The following OSBPL9 variants were observed in gnomAD, a reference collection of about 807,000 sequenced individuals.
OSBPL9 encodes oxysterol binding protein like 9, also known as oxysterol-binding protein-related protein 9.
In OSBPL9, 40 loss-of-function variants were observed where a neutral mutation model predicts 106.6. The observed-to-expected ratio is 0.38, with a 90% CI of 0.29 to 0.49. The LOEUF (loss-of-function observed/expected upper bound fraction) is 0.49. OSBPL9 is among the 20% of genes least tolerant of loss of function. The pLI is 0.97. For missense variants in OSBPL9, 609 were observed against 887.2 expected, an observed-to-expected ratio of 0.69 and a Z score of 3.98; for synonymous variants, 269 against 295.4, an observed-to-expected ratio of 0.91 and a Z score of 0.92.
At chr1:51,581,863 TA>T (rs1170044930) in intron 1 of OSBPL9, among the ~76,000 whole-genome samples, 1 of 152,186 alleles carries the variant, frequency 6.6e-6, no homozygotes, top group Non-Finnish European at 1.5e-5. Flanking sequence ...AGTTGTCTCC[TA>T]TGTCCCTTTG....
upstream of OSBPL9, chr1:51,614,158 C>G (rs1444283381): frequency 6.6e-6 from 1 of 152,108 alleles, no homozygotes; most frequent in Non-Finnish European, 1.5e-5. Flanking sequence ...AGAAAAGAGG[C>G]GATCCCAAGG....
At chr1:51,740,350 G>A in intron 4 of OSBPL9, 1 of 1,124,246 alleles carries the variant, frequency 8.9e-7, no homozygotes, top group Non-Finnish European at 1.2e-6. Context: ...TTACATTCCT[G>A]CTAAGTTTTC....
the OSBPL9 span, among the ~76,000 whole-genome samples, chr1:51,523,286 T>A: frequency 1.3e-5 from 2 of 152,040 alleles, no homozygotes; most frequent in African/African-American, 4.8e-5. Context: ...TTATTTATTT[T>A]ATTTGAGACA....
chr1:51,664,346 A>G (rs1486572303), intron 2 of OSBPL9, among the ~76,000 whole-genome samples: 1 of 152,170 alleles, frequency 6.6e-6, no homozygotes, highest in East Asian at 1.9e-4. Context: ...ATGGTGCATG[A>G]AAGAAGCCAG....
chr1:51,523,142 G>T, the OSBPL9 span, among the ~76,000 whole-genome samples: 1 of 151,966 alleles, frequency 6.6e-6, no homozygotes, highest in Admixed American at 6.6e-5. Flanking sequence ...AAGAATAAGG[G>T]TGCTTTGAAC....
chr1:51,642,149 C>T (rs1645841208), intron 1 of OSBPL9, among the ~76,000 whole-genome samples: 1 of 152,038 alleles, frequency 6.6e-6, no homozygotes, highest in Non-Finnish European at 1.5e-5. Context: ...AGAATAGAAG[C>T]TTCAAATTAC....
At chr1:51,608,790 C>G (rs1045170878) in intron 2 of OSBPL9, among the ~76,000 whole-genome samples, 1 of 152,000 alleles carries the variant, frequency 6.6e-6, no homozygotes, top group Non-Finnish European at 1.5e-5. Context: ...ATAAATCTCT[C>G]TCACCTTGGA....
chr1:51,737,832 T>C (rs574700197), intron 4 of OSBPL9, among the ~76,000 whole-genome samples: 32 of 152,208 alleles, frequency 2.1e-4, no homozygotes, highest in African/African-American at 7.2e-4. Flanking sequence ...GAGGCAATTT[T>C]ATATGCCTTT....
Position 51,788,952 on chromosome 1 carries a change from G to GAAGT in OSBPL9, c.*1165_*1168dup, listed in dbSNP as rs1343399234. Among the ~76,000 whole-genome samples the GAAGT allele has an allele frequency of 6.6e-6, 1 of 152,140 alleles. No homozygotes were observed. The highest frequency in any genetic ancestry group is 1.5e-5 in the Non-Finnish European group (1 of 68,028). The stretch of plus-strand genomic sequence containing the variant: ...ATACTGGTTACGTAAGGCCTTTCAA[G>GAAGT]AAGTAGATTCTCAGTCTGAGAGGAC... On this transcript the variant is annotated 3_prime_UTR_variant, in exon 24 of 24. Transcript: ENST00000428468.
At chr1:51,603,741 T>C (rs1645334149) in intron 2 of OSBPL9, among the ~76,000 whole-genome samples, 1 of 152,188 alleles carries the variant, frequency 6.6e-6, no homozygotes. Flanking sequence ...GGCTAAGCCC[T>C]GTGGTGTATG....
intron 3 of OSBPL9, among the ~76,000 whole-genome samples, chr1:51,685,322 T>G (rs1373529032): frequency 5.9e-5 from 9 of 152,194 alleles, no homozygotes; most frequent in Admixed American, 1.3e-4. Flanking sequence ...ATTCTGGTAA[T>G]GCGTAGACTG....
chr1:51,730,032 G>T (rs755536297), intron 4 of OSBPL9: 1 of 1,303,484 alleles, frequency 7.7e-7, no homozygotes, highest in Non-Finnish European at 9.8e-7. Flanking sequence ...TGGGAGAGGG[G>T]CCGGCCCCTA....
At chr1:51,535,156 C>T in the OSBPL9 span, among the ~76,000 whole-genome samples, 1 of 152,178 alleles carries the variant, frequency 6.6e-6, no homozygotes, top group African/African-American at 2.4e-5. Flanking sequence ...ACAATAAAAC[C>T]ACCAAATTGC....
chr1:51,523,100 A>T, the OSBPL9 span, among the ~76,000 whole-genome samples: 13 of 152,020 alleles, frequency 8.6e-5, no homozygotes, highest in Non-Finnish European at 1.8e-4. Context: ...CTATTTTTTT[A>T]AAATCAATCA....
chr1:51,785,470 C>T, intron 20 of OSBPL9: 1 of 260,444 alleles, frequency 3.8e-6, no homozygotes, highest in Non-Finnish European at 7.3e-6. Context: ...CACCACAGCA[C>T]TTACCACCTA....
chr1:51,561,643 T>C, the OSBPL9 span: 1 of 152,246 alleles, frequency 6.6e-6, no homozygotes, highest in East Asian at 1.9e-4. Context: ...GGAGACTCGC[T>C]AGTGAAAATT....
chr1:51,539,837 T>G, the OSBPL9 span, among the ~76,000 whole-genome samples: 7 of 152,196 alleles, frequency 4.6e-5, no homozygotes, highest in African/African-American at 1.4e-4. Context: ...CATCAAATAT[T>G]TGATGGCTTC....
At chr1:51,637,847 G>A (rs1430370130) in intron 1 of OSBPL9, among the ~76,000 whole-genome samples, 2 of 152,190 alleles carry the variant, frequency 1.3e-5, no homozygotes, top group East Asian at 3.8e-4. Flanking sequence ...GGTATTTAGT[G>A]GCATTAGATA....
intron 1 of OSBPL9, among the ~76,000 whole-genome samples, chr1:51,643,729 C>A (rs1303637190): frequency 6.6e-6 from 1 of 151,876 alleles, no homozygotes; most frequent in Non-Finnish European, 1.5e-5. Context: ...TGAAAAGACT[C>A]CTGGCTCCTG....
Sources: gnomAD v4.1 joint callset for allele counts (sites outside exome capture counted in the v4.1 genomes callset) on GRCh38, gnomAD v4.1.1 for gene constraint, MANE v1.5 for transcripts, NCBI Gene and HGNC (gene_info 2026-07-23, HGNC 2026-07-21) for gene names.